The following MS4A4E variants were observed in gnomAD, a reference collection of about 807,000 sequenced individuals.
MS4A4E encodes putative membrane-spanning 4-domains subfamily A member 4E.
MS4A4E carries 23 observed loss-of-function variants against 13.3 expected under a neutral mutation model. The observed-to-expected ratio is 1.73, with a 90% CI of 1.25 to 2.45. MS4A4E has a LOEUF of 2.45. Ranked by LOEUF, MS4A4E falls within the 30% of genes most tolerant of loss-of-function variation. MS4A4E has a pLI of 0.00. For missense variants in MS4A4E, 144 were observed against 131.2 expected (o/e 1.10, Z -0.48); for synonymous variants, 36 against 45.6 (o/e 0.79, Z 0.85).
chr11:60,202,524 T>C (rs1009965514), intron 8 of MS4A4E, among the ~76,000 whole-genome samples: 3 of 152,212 alleles, frequency 2.0e-5, no homozygotes, highest in African/African-American at 2.4e-5. Flanking sequence ...CTATGTTTCT[T>C]CTGTCCTAAA....
At chr11:60,217,488 G>A (rs533168951) in intron 3 of MS4A4E, among the ~76,000 whole-genome samples, 1 of 152,026 alleles carries the variant, frequency 6.6e-6, no homozygotes, top group African/African-American at 2.4e-5. Flanking sequence ...ACTGCCATCA[G>A]CCTTTTCACC....
chr11:60,226,642 G>T (rs770978534), intron 3 of MS4A4E, among the ~76,000 whole-genome samples: 1 of 152,096 alleles, frequency 6.6e-6, no homozygotes, highest in Non-Finnish European at 1.5e-5. Context: ...ACTTGTTTAG[G>T]TTGATAAAGA....
At chr11:60,218,459 G>A (rs1028909082) in intron 3 of MS4A4E, among the ~76,000 whole-genome samples, 1 of 152,124 alleles carries the variant, frequency 6.6e-6, no homozygotes, top group Non-Finnish European at 1.5e-5. Flanking sequence ...TGCAGCTTGT[G>A]GGGTGTCACG....
chr11:60,215,579 A>G (rs1197201483), intron 3 of MS4A4E, among the ~76,000 whole-genome samples: 20 of 151,920 alleles, frequency 1.3e-4, no homozygotes, highest in African/African-American at 4.6e-4. Context: ...ACAAGATAGG[A>G]CATCTGTCTC....
intron 1 of MS4A4E, 63 bp downstream of exon 1, chr11:60,242,895 A>G (rs750353110): frequency 2.0e-5 from 26 of 1,286,740 alleles, no homozygotes; most frequent in Non-Finnish European, 2.7e-5. Context: ...CAGAAATCCT[A>G]AACCCAGGAA....
chr11:60,228,137 C>T (rs544385016), intron 3 of MS4A4E, among the ~76,000 whole-genome samples: 1 of 152,108 alleles, frequency 6.6e-6, no homozygotes, highest in Non-Finnish European at 1.5e-5. Flanking sequence ...CTGCAGAAGA[C>T]ACTGTCAGAA....
At chr11:60,222,422 G>A (rs1278026267) in intron 3 of MS4A4E, among the ~76,000 whole-genome samples, 1 of 152,224 alleles carries the variant, frequency 6.6e-6, no homozygotes, top group Non-Finnish European at 1.5e-5. Flanking sequence ...TGGATTGATA[G>A]AATGGTGGAA....
In MS4A4E at chr11:60,238,732, A is replaced by C. The variant is rs372463706; in HGVS notation, c.-17+4226T>G. Among the ~76,000 whole-genome samples, 44 of 152,036 alleles carry C rather than the reference A, an allele frequency of 2.9e-4. No individual in the cohort carries two copies. The South Asian group carries it at 9.1e-3, about 32-fold the overall frequency. On this transcript the variant is annotated intron_variant, in intron 1 of 8. Transcript: ENST00000651255. Reference sequence around the variant, plus strand: ...TAGTTTGTTCTTCTTTTTCCAGTTTATTAAGGTGGAAGATTAGATTACTGA... The same window carrying C: ...TAGTTTGTTCTTCTTTTTCCAGTTTCTTAAGGTGGAAGATTAGATTACTGA...
chr11:60,225,010 A>T, intron 3 of MS4A4E: 2 of 1,545,946 alleles, frequency 1.3e-6, no homozygotes, highest in Non-Finnish European at 1.7e-6. Flanking sequence ...CAAAAATGGG[A>T]TGTTCTTCAT....
chr11:60,214,496 C>T, intron 4 of MS4A4E, 75 bp downstream of exon 4: 1 of 1,065,472 alleles, frequency 9.4e-7, no homozygotes, highest in East Asian at 3.0e-5. Flanking sequence ...ACAAACAAAA[C>T]CTGTTTTATA....
chr11:60,224,373 G>C (rs1435108503), intron 3 of MS4A4E, among the ~76,000 whole-genome samples: 19 of 152,168 alleles, frequency 1.2e-4, no homozygotes, highest in Admixed American at 1.2e-3. Flanking sequence ...ATTAGAAACT[G>C]CCTGTTTACC....
At chr11:60,229,495 G>C (rs610352) in intron 2 of MS4A4E, among the ~76,000 whole-genome samples, 86,665 of 152,000 alleles carry the variant, frequency 0.57, 25,123 homozygotes, top group African/African-American at 0.64. Context: ...AATGCTCAGA[G>C]AATAGCAGAT....
intron 2 of MS4A4E, among the ~76,000 whole-genome samples, chr11:60,229,042 A>G (rs1276832269): frequency 6.6e-6 from 1 of 152,242 alleles, no homozygotes; most frequent in African/African-American, 2.4e-5. Flanking sequence ...TACTTTGAGT[A>G]ATGATGTGTC....
intron 4 of MS4A4E, 179 bp from the exon 5 acceptor site, chr11:60,213,311 G>A (rs1315576406): frequency 6.5e-7 from 1 of 1,534,738 alleles, no homozygotes; most frequent in Middle Eastern, 1.7e-4. Flanking sequence ...TTATTCTCCA[G>A]CTTAAATTCT....
At position 60,210,309 on chromosome 11, in the gene MS4A4E, G is replaced by T. The variant is rs78031166; in HGVS notation, c.382-1615C>A. Among the ~76,000 whole-genome samples the T allele has an allele frequency of 1.9e-3, 291 of 151,518 alleles. 1 individual carries two copies. Among genetic ancestry groups the T allele is most frequent in the African/African-American group, 6.9e-3 (284 of 41,280 alleles). On this transcript the variant is annotated intron_variant, in intron 5 of 8. Coordinates refer to ENST00000651255, the MANE Select transcript of MS4A4E (RefSeq NM_001393391.1). ...ATAGACCCATTGCTTCAAATCCCAG[G>T]AAGCCCTTATGGAGGTCCCCTGCTA...
intron 1 of MS4A4E, among the ~76,000 whole-genome samples, chr11:60,241,320 G>A (rs563066153): frequency 4.2e-4 from 64 of 152,164 alleles, no homozygotes; most frequent in Non-Finnish European, 7.4e-4. Flanking sequence ...CACCGCACCC[G>A]GCCTATTCTT....
intron 2 of MS4A4E, among the ~76,000 whole-genome samples, chr11:60,229,044 T>C (rs761053081): frequency 3.9e-5 from 6 of 152,226 alleles, no homozygotes; most frequent in Non-Finnish European, 5.9e-5. Context: ...CTTTGAGTAA[T>C]GATGTGTCAA....
intron 2 of MS4A4E, among the ~76,000 whole-genome samples, chr11:60,229,318 T>C (rs186944410): frequency 3.8e-4 from 58 of 152,236 alleles, no homozygotes; most frequent in African/African-American, 1.3e-3. Context: ...AAATGAATAA[T>C]GCAAAAAAAG....
intron 4 of MS4A4E, among the ~76,000 whole-genome samples, chr11:60,213,728 T>C (rs553896359): frequency 1.3e-5 from 2 of 152,292 alleles, no homozygotes; most frequent in Non-Finnish European, 2.9e-5. Context: ...AAAACTCAAA[T>C]AGTGTTTAGC....
Sources: allele counts gnomAD v4.1 joint callset (sites outside exome capture counted in the v4.1 genomes callset), GRCh38; gene constraint gnomAD v4.1.1; transcripts MANE v1.5; gene names NCBI Gene and HGNC (gene_info 2026-07-23, HGNC 2026-07-21).